HEATR1: variants seen among roughly 807,000 people sequenced by gnomAD.
HEATR1 encodes the protein HEAT repeat containing 1, also known as HEAT repeat-containing protein 1.
In HEATR1, 77 loss-of-function variants were observed where a neutral mutation model predicts 248.2. The observed-to-expected ratio is 0.31, with a 90% confidence interval of 0.26 to 0.37. The LOEUF is 0.37. Ranked by LOEUF, HEATR1 falls within the 10% of genes least tolerant of loss-of-function variation. The pLI, the probability that HEATR1 is intolerant of heterozygous loss-of-function variation, is 1.00. For missense variants in HEATR1, 2,420 were observed against 2,504.9 expected, an observed-to-expected ratio of 0.97 and a Z score of 0.72; for synonymous variants, 897 against 923.1, an observed-to-expected ratio of 0.97 and a Z score of 0.51.
At chr1:236,582,113 TA>T (rs372187505) in intron 19 of HEATR1, among the ~76,000 whole-genome samples, 118 of 152,266 alleles carry the variant, frequency 7.7e-4, no homozygotes, top group African/African-American at 2.5e-3. Flanking sequence ...ATTTATTTAT[TA>T]TTTTTTTTGA....
In HEATR1 at chr1:236,553,588, G is replaced by A. The variant is rs6664730; in HGVS notation, c.6230C>T (p.Ser2077Leu). 14,383 of 1,613,504 alleles carry A rather than the reference G, an allele frequency of 8.9e-3. 728 individuals carry two copies. In the African/African-American group the frequency reaches 0.13, roughly 14 times the overall value. Residue 2077 changes from serine to leucine, a missense_variant, in exon 43 of 45, where the codon TCG becomes TTG. Transcript: ENST00000366582. ...TGTCACGCAGTTCCTAACCTTAGGC[G>A]AGGAGTCTCTCGTCTTTAGCAGAAT... is the stretch of plus-strand genomic sequence containing the variant. ...YQILLKTRDS[S>L]PKVRFAALIT...
intron 11 of HEATR1, 115 bp downstream of exon 11, chr1:236,591,878 T>A: frequency 1.6e-6 from 1 of 608,388 alleles, no homozygotes; most frequent in African/African-American, 1.8e-5. Flanking sequence ...TAGAAGGTTA[T>A]CTCTGTAAAA....
In HEATR1 at chr1:236,559,045, C is replaced by A. The variant is rs144518221; in HGVS notation, c.4861G>T (p.Asp1621Tyr). The A allele has an allele frequency of 6.2e-7, 1 of 1,612,884 alleles. No homozygotes were observed. The highest frequency in any genetic ancestry group is 1.1e-5 in the South Asian group (1 of 90,888). Residue 1621 changes from aspartate (D) to tyrosine (Y), a missense_variant, in exon 35 of 45, where the codon GAC becomes TAC. Transcript: ENST00000366582. Reference sequence around the variant, plus strand: ...TGCTGCAGCTTGTTATTCAAAAGGTCCAGCGCTTTGCGGCGAACAGATGGC... The same window carrying A: ...TGCTGCAGCTTGTTATTCAAAAGGTACAGCGCTTTGCGGCGAACAGATGGC... ...PLPSVRRKAL[D>Y]LLNNKLQQNI... is the part of the protein sequence containing the mutation.
At chr1:236,566,992 ATTTAT>A (rs1486513774) in intron 29 of HEATR1, 116 bp from the exon 30 acceptor site, 1 of 680,214 alleles carries the variant, frequency 1.5e-6, no homozygotes, top group Non-Finnish European at 2.5e-6. Context: ...GAAGAATTTT[ATTTAT>A]TTTTTTAGAG....
At chr1:236,576,157 G>A in intron 22 of HEATR1, 62 bp downstream of exon 22, 1 of 1,270,926 alleles carries the variant, frequency 7.9e-7, no homozygotes, top group Non-Finnish European at 1.1e-6. Flanking sequence ...TCACCCACAA[G>A]CAGTTACAAC....
intron 24 of HEATR1, among the ~76,000 whole-genome samples, chr1:236,573,309 A>C (rs1285723207): frequency 6.6e-6 from 1 of 152,200 alleles, no homozygotes; most frequent in Non-Finnish European, 1.5e-5. Context: ...TGTATATTCT[A>C]ATCAGCTAGG....
chr1:236,576,164 C>T, intron 22 of HEATR1, 55 bp downstream of exon 22: 1 of 1,383,218 alleles, frequency 7.2e-7, no homozygotes, highest in African/African-American at 1.5e-5. Context: ...CAAGCAGTTA[C>T]AACAATTCTT....
At chr1:236,571,288 T>C (rs143989590) in intron 28 of HEATR1, 63 bp downstream of exon 28, 22 of 1,527,560 alleles carry the variant, frequency 1.4e-5, no homozygotes, top group Non-Finnish European at 1.9e-5. Flanking sequence ...CAGGTGCCAG[T>C]GCATTTCTGT....
At chr1:236,554,935 G>A (rs897003530) in intron 41 of HEATR1, among the ~76,000 whole-genome samples, 183 bp from the exon 42 acceptor site, 3 of 152,338 alleles carry the variant, frequency 2.0e-5, no homozygotes, top group South Asian at 2.1e-4. Context: ...CCTTCTTTTA[G>A]AGTTAAGATT....
At chr1:236,561,369 T>C in intron 32 of HEATR1, 98 bp from the exon 33 acceptor site, 1 of 863,970 alleles carries the variant, frequency 1.2e-6, no homozygotes, top group South Asian at 1.4e-5. Context: ...CACTGAAACC[T>C]TCCACAGCAA....
At chr1:236,581,490 G>T (rs1572045197) in intron 19 of HEATR1, 76 bp from the exon 20 acceptor site, 3 of 1,028,152 alleles carry the variant, frequency 2.9e-6, no homozygotes, top group East Asian at 2.6e-5. Context: ...TCTCACTAGT[G>T]TACAATTATA....
intron 24 of HEATR1, 43 bp from the exon 25 acceptor site, chr1:236,572,871 G>A (rs372855434): frequency 2.0e-6 from 3 of 1,527,202 alleles, no homozygotes; most frequent in Non-Finnish European, 2.7e-6. Flanking sequence ...TAATCCATTG[G>A]GATAAAATTA....
Position 236,596,996 on chromosome 1 carries a change from CAAA to C in HEATR1, c.604-23_604-21del. 6.2e-7 allele frequency: 1 copy of C among 1,607,642 alleles called. No individual in the cohort carries two copies. Among genetic ancestry groups the C allele is most frequent in the Non-Finnish European group, 8.5e-7 (1 of 1,177,944 alleles). ...AAAAACCTGAAACAAGGAACACAAA[CAAA>C]ACACATTTAACAGTGAAAGGGAGGT... On this transcript the variant is annotated intron_variant, in intron 5 of 44. Transcript: ENST00000366582.
chr1:236,583,581 G>A (rs537679963), intron 17 of HEATR1, among the ~76,000 whole-genome samples: 1 of 150,020 alleles, frequency 6.7e-6, no homozygotes, highest in African/African-American at 2.5e-5. Flanking sequence ...CCGCTTCCCA[G>A]GTTCAAGCAA....
intron 19 of HEATR1, 132 bp downstream of exon 19, chr1:236,582,604 T>G: frequency 1.2e-6 from 1 of 848,796 alleles, no homozygotes; most frequent in Non-Finnish European, 1.9e-6. Flanking sequence ...AGTTTCACTA[T>G]GTTGGCCAGG....
intron 19 of HEATR1, among the ~76,000 whole-genome samples, chr1:236,582,336 G>C (rs1486561213): frequency 3.9e-5 from 6 of 151,956 alleles, no homozygotes; most frequent in Non-Finnish European, 8.8e-5. Flanking sequence ...TCGATCTCCT[G>C]ACCTCGTGAT....
In HEATR1 at chr1:236,586,469, C is replaced by A. The variant is rs1663888869; in HGVS notation, c.1716-17G>T. 3 of 1,570,382 alleles carry A rather than the reference C, an allele frequency of 1.9e-6. No individual in the cohort carries two copies. The Admixed American group carries it at 5.0e-5, about 26-fold the overall frequency. ...ACCTCGTACCTAAAAGACATGCAAG[C>A]ACACTTGGTTGAAAGACACATTGGA... On this transcript the variant is annotated splice_polypyrimidine_tract_variant and intron_variant, in intron 14 of 44. Transcript: ENST00000366582.
chr1:236,568,894 A>AAAC, intron 29 of HEATR1, 102 bp downstream of exon 29: 1 of 611,816 alleles, frequency 1.6e-6, no homozygotes, highest in Middle Eastern at 5.8e-4. Flanking sequence ...TTAAAAAAAA[A>AAAC]AAACAAAAAA....
chr1:236,565,705 C>T (rs189456485), intron 31 of HEATR1, among the ~76,000 whole-genome samples: 2 of 152,114 alleles, frequency 1.3e-5, no homozygotes, highest in African/African-American at 2.4e-5. Context: ...AAGACGTCAG[C>T]GCAGAGCACA....
Sources: allele counts gnomAD v4.1 joint callset (sites outside exome capture counted in the v4.1 genomes callset), GRCh38; gene constraint gnomAD v4.1.1; transcripts MANE v1.5; gene names NCBI Gene and HGNC (gene_info 2026-07-23, HGNC 2026-07-21).